Variants in STX8 observed in about 807,000 individuals in gnomAD.
STX8 encodes the protein syntaxin 8.
STX8 carries 23 observed loss-of-function variants against 37.5 expected under a neutral mutation model. The observed-to-expected ratio is 0.61, with a 90% CI of 0.44 to 0.87. STX8 has a LOEUF of 0.87. STX8 is among the 40% of genes least tolerant of loss of function. The pLI, the probability that STX8 is intolerant of heterozygous loss-of-function variation, is 0.00. For synonymous variants in STX8, 115 were observed against 99.1 expected (o/e 1.16, Z -0.95); for missense variants, 313 against 284.7 (o/e 1.10, Z -0.71).
rs534312435 is a variant in STX8 at position 9,336,940 on chromosome 17, G to C, written c.643+41612C>G. Among the ~76,000 whole-genome samples, 8 of 152,286 alleles carry C rather than the reference G, an allele frequency of 5.3e-5. No homozygotes were observed. The East Asian group carries it at 5.8e-4, about 11-fold the overall frequency. ...TGAAGTTCTGAACATTTGAATGAATGCCTATTTCAATTCCAATCATTCCCT... is the reference window on the plus strand; with the variant it reads ...TGAAGTTCTGAACATTTGAATGAATCCCTATTTCAATTCCAATCATTCCCT... On this transcript the variant is annotated intron_variant, in intron 7 of 7. Coordinates refer to ENST00000306357, the MANE Select transcript of STX8 (RefSeq NM_004853.3).
intron 4 of STX8, among the ~76,000 whole-genome samples, chr17:9,520,055 A>C (rs1490620513): frequency 6.6e-6 from 1 of 152,158 alleles, no homozygotes; most frequent in Non-Finnish European, 1.5e-5. Context: ...AAGAGGCCAC[A>C]TGACAGTTAT....
intron 7 of STX8, among the ~76,000 whole-genome samples, chr17:9,263,111 G>T (rs1907106133): frequency 6.6e-6 from 1 of 152,212 alleles, no homozygotes; most frequent in South Asian, 2.1e-4. Context: ...AGGGGCTAAA[G>T]TCCCAACAGA....
chr17:9,326,995 T>C (rs1909775724), intron 7 of STX8, among the ~76,000 whole-genome samples: 3 of 151,826 alleles, frequency 2.0e-5, no homozygotes, highest in Non-Finnish European at 4.4e-5. Context: ...TCATCTCTAC[T>C]AAAAATACAA....
chr17:9,433,891 T>C (rs978827365), intron 6 of STX8, among the ~76,000 whole-genome samples: 1 of 152,138 alleles, frequency 6.6e-6, no homozygotes, highest in African/African-American at 2.4e-5. Flanking sequence ...TTGAGCATCA[T>C]AAGCAAGGAG....
chr17:9,419,346 G>A (rs1184832470), intron 6 of STX8, among the ~76,000 whole-genome samples: 1 of 152,128 alleles, frequency 6.6e-6, no homozygotes, highest in East Asian at 1.9e-4. Context: ...CAAGTAAGCT[G>A]GGACTGTATA....
intron 3 of STX8, among the ~76,000 whole-genome samples, chr17:9,547,617 G>A (rs1360061889): frequency 6.4e-5 from 6 of 94,268 alleles, no homozygotes; most frequent in Non-Finnish European, 1.1e-4. Context: ...GACAGAGCAA[G>A]ACTCCGTCTC....
rs1905253331 is a variant in STX8, at chr17:9,519,285, C to T, written c.324-14123G>A. Among the ~76,000 whole-genome samples the T allele has an allele frequency of 2.0e-5, 3 of 152,306 alleles. No individual in the cohort carries two copies. In the South Asian group the frequency reaches 6.2e-4, roughly 32 times the overall value. On this transcript the variant is annotated intron_variant, in intron 4 of 7. Coordinates refer to ENST00000306357, the MANE Select transcript of STX8 (RefSeq NM_004853.3). ...TATCCAAAATCAAATTCATGACTCT[C>T]ACCCCATAAGCTGCTTCTTCTCGTA... is the stretch of plus-strand genomic sequence containing the variant.
At chr17:9,373,126 G>GA (rs1269616634) in intron 7 of STX8, among the ~76,000 whole-genome samples, 24 of 148,586 alleles carry the variant, frequency 1.6e-4, no homozygotes, top group African/African-American at 5.7e-4. Context: ...AAAAAGAAAA[G>GA]AAAAGAAAAA....
chr17:9,414,512 C>CAGCT (rs1913109323), intron 6 of STX8, among the ~76,000 whole-genome samples: 1 of 152,146 alleles, frequency 6.6e-6, no homozygotes, highest in South Asian at 2.1e-4. Flanking sequence ...TGGTAACAAA[C>CAGCT]AGCTCAAGGA....
intron 7 of STX8, among the ~76,000 whole-genome samples, chr17:9,287,475 G>A (rs1053435007): frequency 6.6e-6 from 1 of 152,162 alleles, no homozygotes; most frequent in Admixed American, 6.5e-5. Context: ...TGGAAATAGG[G>A]AGATGAAATC....
At chr17:9,318,784 C>A (rs915935840) in intron 7 of STX8, among the ~76,000 whole-genome samples, 2 of 152,036 alleles carry the variant, frequency 1.3e-5, no homozygotes, top group Non-Finnish European at 2.9e-5. Flanking sequence ...CCACTCTTGC[C>A]CCCCTGTTTT....
At chr17:9,441,204 A>T (rs1166775412) in intron 6 of STX8, among the ~76,000 whole-genome samples, 2 of 151,918 alleles carry the variant, frequency 1.3e-5, no homozygotes, top group Non-Finnish European at 2.9e-5. Flanking sequence ...AAATTTAGTC[A>T]AATACGGCTG....
In STX8 at chr17:9,440,030, G is replaced by C. The variant is rs374975883; in HGVS notation, c.541+51799C>G. 1.1e-3 allele frequency among the ~76,000 whole-genome samples: 161 copies of C among 152,220 alleles called. 2 individuals carry two copies. The highest frequency in any genetic ancestry group is 3.8e-3 in the African/African-American group (156 of 41,502). On this transcript the variant is annotated intron_variant, in intron 6 of 7. Coordinates refer to ENST00000306357, the MANE Select transcript of STX8 (RefSeq NM_004853.3). ...GTTCAAACCTTGGTCAGGATGGACA[G>C]GGGAAATTTGCAGCCTAAATATAGT... is the stretch of plus-strand genomic sequence containing the variant.
chr17:9,412,301 C>T (rs1213165056), intron 6 of STX8, among the ~76,000 whole-genome samples: 32 of 146,798 alleles, frequency 2.2e-4, no homozygotes, highest in Middle Eastern at 3.4e-3. Flanking sequence ...TTTTTTGAGA[C>T]GGAGTTTTGC....
At chr17:9,427,691 A>C (rs1272625133) in intron 6 of STX8, among the ~76,000 whole-genome samples, 1 of 152,164 alleles carries the variant, frequency 6.6e-6, no homozygotes, top group Non-Finnish European at 1.5e-5. Context: ...GCTCACAGAC[A>C]GAGTGGAGTT....
At chr17:9,372,846 G>T (rs1911456865) in intron 7 of STX8, among the ~76,000 whole-genome samples, 2 of 143,174 alleles carry the variant, frequency 1.4e-5, no homozygotes, top group Non-Finnish European at 3.0e-5. Context: ...GCTCACGCCT[G>T]TAATCCCAAA....
Position 9,289,101 on chromosome 17 carries a change from C to T in STX8, c.644-38456G>A, listed in dbSNP as rs74383995. Among the ~76,000 whole-genome samples, 193 of 152,224 alleles carry T rather than the reference C, an allele frequency of 1.3e-3. 1 individual carries two copies. The East Asian group carries it at 0.03, about 24-fold the overall frequency. ...GCACTGGACTTCTCTATGGCAATAC[C>T]GGAAGCTAGTAGTCAAGGCAAGATG... On this transcript the variant is annotated intron_variant, in intron 7 of 7. Transcript: ENST00000306357.
At chr17:9,383,827 G>C (rs1047788716) in intron 6 of STX8, among the ~76,000 whole-genome samples, 1 of 151,986 alleles carries the variant, frequency 6.6e-6, no homozygotes, top group African/African-American at 2.4e-5. Flanking sequence ...ATAAAGAACG[G>C]AGAAAAAATA....
chr17:9,572,485 C>G (rs1030975172), intron 1 of STX8, among the ~76,000 whole-genome samples: 3 of 152,202 alleles, frequency 2.0e-5, no homozygotes, highest in African/African-American at 2.4e-5. Flanking sequence ...TCTCGGCTCA[C>G]TGCAACCTCC....
Sources: allele counts gnomAD v4.1 joint callset (sites outside exome capture counted in the v4.1 genomes callset), GRCh38; gene constraint gnomAD v4.1.1; transcripts MANE v1.5; gene names NCBI Gene and HGNC (gene_info 2026-07-23, HGNC 2026-07-21).